The following RAB5C variants were observed in gnomAD, a reference collection of about 807,000 sequenced individuals.
RAB5C encodes RAB5C, member RAS oncogene family, also known as ras-related protein Rab-5C.
In RAB5C, 4 loss-of-function variants were observed where a neutral mutation model predicts 25.2. The observed-to-expected ratio is 0.16, with a 90% confidence interval of 0.08 to 0.36. The LOEUF is 0.36. RAB5C is among the 10% of genes least tolerant of loss of function. RAB5C has a pLI of 1.00. For synonymous variants in RAB5C, 100 were observed against 106.4 expected, an observed-to-expected ratio of 0.94 and a Z score of 0.37; for missense variants, 199 against 283.8, an observed-to-expected ratio of 0.70 and a Z score of 2.15.
rs143344764 is a variant in RAB5C, at chr17:42,126,936, G to A, written c.442-88C>T. On this transcript the variant is annotated intron_variant, in intron 4 of 5. Coordinates refer to ENST00000346213, the MANE Select transcript of RAB5C (RefSeq NM_004583.4). Reference sequence around the variant, plus strand: ...CCCAGGATACAAACCTTCCTTATTCGAGCACCTTATCATAATAGAGATCAG... The same window carrying A: ...CCCAGGATACAAACCTTCCTTATTCAAGCACCTTATCATAATAGAGATCAG... 1.9e-4 allele frequency: 151 copies of A among 804,950 alleles called. No homozygotes were observed. The African/African-American group carries it at 1.9e-3, about 10-fold the overall frequency. The allele number at this position is 804,950 out of a possible 1,614,324, so 49.9% of individuals were successfully genotyped here.
chr17:42,149,312 G>A (rs1475045054), intron 1 of RAB5C, among the ~76,000 whole-genome samples: 1 of 152,158 alleles, frequency 6.6e-6, no homozygotes, highest in Non-Finnish European at 1.5e-5. Context: ...CAGGTGCAGC[G>A]GCTCATGCCT....
chr17:42,131,668 T>C, intron 1 of RAB5C: 1 of 1,501,606 alleles, frequency 6.7e-7, no homozygotes, highest in Non-Finnish European at 9.0e-7. Context: ...GCAGGAGGTG[T>C]GGGAGGGCAG....
At chr17:42,140,913 T>C (rs1302204710) in intron 1 of RAB5C, among the ~76,000 whole-genome samples, 1 of 152,058 alleles carries the variant, frequency 6.6e-6, no homozygotes, top group Non-Finnish European at 1.5e-5. Flanking sequence ...ACCGCTACCT[T>C]GACTTCCTGG....
chr17:42,151,621 C>T (rs1207178672), intron 1 of RAB5C, among the ~76,000 whole-genome samples: 3 of 151,990 alleles, frequency 2.0e-5, no homozygotes, highest in Non-Finnish European at 4.4e-5. Context: ...ACCAGAGGCC[C>T]GCTCTGTTGC....
At chr17:42,147,339 AC>A (rs1260521596) in intron 1 of RAB5C, among the ~76,000 whole-genome samples, 6 of 152,204 alleles carry the variant, frequency 3.9e-5, no homozygotes, top group Non-Finnish European at 7.3e-5. Context: ...TCACTCAGGA[AC>A]GAGCCTTGTG....
rs754335331 is a variant in RAB5C at position 42,125,919 on chromosome 17, T to C, written c.536-21A>G. The C allele has an allele frequency of 7.6e-5, 118 of 1,561,980 alleles. 1 individual carries two copies. The East Asian group carries it at 2.6e-3, about 35-fold the overall frequency. The stretch of plus-strand genomic sequence containing the variant: ...CTTAGCTGTTTGGGAGGGGGAAAAG[T>C]GCATTTGTTGGGGGTACCCCAATAA... On this transcript the variant is annotated intron_variant, in intron 5 of 5. Transcript: ENST00000346213.
chr17:42,131,856 A>G, intron 1 of RAB5C: 1 of 480,474 alleles, frequency 2.1e-6, no homozygotes. Context: ...CATCAGACAT[A>G]TACATCTGAT....
chr17:42,128,629 A>C lies in RAB5C; in HGVS notation c.318+20T>G. ...TTGAGAAGATGAAGGGCAAAGGAAGAAGCAAGGGGAAATCTTTACTGTGTT... is the reference window on the plus strand; with the variant it reads ...TTGAGAAGATGAAGGGCAAAGGAAGCAGCAAGGGGAAATCTTTACTGTGTT... On this transcript the variant is annotated intron_variant, in intron 3 of 5. Coordinates refer to ENST00000346213, the MANE Select transcript of RAB5C (RefSeq NM_004583.4). 1 of 1,453,262 alleles carries C rather than the reference A, an allele frequency of 6.9e-7. No homozygotes were observed. Among genetic ancestry groups the C allele is most frequent in the Non-Finnish European group, 9.1e-7 (1 of 1,100,390 alleles). 90.0% of individuals were successfully genotyped at this position (1,453,262 alleles called of 1,614,324 possible).
intron 1 of RAB5C, among the ~76,000 whole-genome samples, chr17:42,138,746 A>G (rs1178400893): frequency 6.6e-6 from 1 of 152,222 alleles, no homozygotes; most frequent in Admixed American, 6.5e-5. Flanking sequence ...AAAAGGGGCC[A>G]GTGTGCAGAG....
chr17:42,137,314 GAA>G (rs1300048784), intron 1 of RAB5C, among the ~76,000 whole-genome samples: 1 of 98,620 alleles, frequency 1.0e-5, no homozygotes, highest in African/African-American at 3.6e-5. Context: ...TCAAAAAAAA[GAA>G]AAAAAAAAAA....
intron 1 of RAB5C, among the ~76,000 whole-genome samples, chr17:42,132,129 G>T (rs1363366669): frequency 6.6e-6 from 1 of 152,196 alleles, no homozygotes; most frequent in Admixed American, 6.5e-5. Context: ...CCACATTCAT[G>T]CAAGAAGCTG....
intron 1 of RAB5C, among the ~76,000 whole-genome samples, chr17:42,148,638 G>A: frequency 6.6e-6 from 1 of 152,216 alleles, no homozygotes; most frequent in East Asian, 1.9e-4. Flanking sequence ...TGAGAAGACA[G>A]CCCATGTAGG....
intron 1 of RAB5C, among the ~76,000 whole-genome samples, chr17:42,140,206 C>T (rs572739590): frequency 2.1e-4 from 32 of 152,160 alleles, no homozygotes; most frequent in African/African-American, 7.5e-4. Flanking sequence ...TCTCCAAAAC[C>T]CTTCCCGCCC....
chr17:42,147,062 G>A (rs111236490), intron 1 of RAB5C, among the ~76,000 whole-genome samples: 91 of 140,104 alleles, frequency 6.5e-4, no homozygotes, highest in Middle Eastern at 3.4e-3. Context: ...GAAAAAGAAA[G>A]AAAGAAAGAA....
intron 5 of RAB5C, 30 bp from the exon 6 acceptor site, chr17:42,125,928 TG>T: frequency 4.6e-6 from 7 of 1,524,902 alleles, no homozygotes; most frequent in East Asian, 2.3e-5. Context: ...GTGCATTTGT[TG>T]GGGGTACCCC....
chr17:42,138,979 T>A (rs1342859591), intron 1 of RAB5C, among the ~76,000 whole-genome samples: 1 of 152,192 alleles, frequency 6.6e-6, no homozygotes, highest in Non-Finnish European at 1.5e-5. Context: ...TCCAGGACTC[T>A]ACCCCAGCAG....
intron 1 of RAB5C, among the ~76,000 whole-genome samples, chr17:42,144,778 T>C (rs565995591): frequency 1.8e-3 from 280 of 151,500 alleles, no homozygotes; most frequent in Middle Eastern, 0.014. Flanking sequence ...AATACAAAAA[T>C]TAGCTGGGCG....
In RAB5C at chr17:42,152,054, G is replaced by A. The variant is rs147693767; in HGVS notation, c.-89+2839C>T. 1.7e-4 allele frequency among the ~76,000 whole-genome samples: 26 copies of A among 151,822 alleles called. No homozygotes were observed. The East Asian group carries it at 4.1e-3, about 24-fold the overall frequency. ...TCTACTACTTTCTAAATGTATGATC[G>A]ATCTTAGGCAAACTACTTAAGTTCC... On this transcript the variant is annotated intron_variant, in intron 1 of 5. Transcript: ENST00000346213.
intron 1 of RAB5C, among the ~76,000 whole-genome samples, chr17:42,150,665 A>C (rs1303700930): frequency 1.3e-5 from 2 of 149,902 alleles, no homozygotes; most frequent in East Asian, 4.0e-4. Flanking sequence ...CAGGAGTTTG[A>C]GACCAGCCTG....
Sources: allele counts gnomAD v4.1 joint callset (sites outside exome capture counted in the v4.1 genomes callset), GRCh38; gene constraint gnomAD v4.1.1; transcripts MANE v1.5; gene names NCBI Gene and HGNC (gene_info 2026-07-23, HGNC 2026-07-21).